The following CDH12 variants were observed in gnomAD, a reference collection of about 807,000 sequenced individuals.
CDH12 encodes cadherin 12, also known as cadherin-12.
CDH12 carries 41 observed loss-of-function variants against 74.1 expected under a neutral mutation model. The observed-to-expected ratio is 0.55, with a 90% CI of 0.43 to 0.72. CDH12 has a LOEUF of 0.72. Ranked by LOEUF, CDH12 falls within the 30% of genes least tolerant of loss-of-function variation. The pLI, the probability that CDH12 is intolerant of heterozygous loss-of-function variation, is 0.00. For synonymous variants in CDH12, 399 were observed against 355.0 expected (o/e 1.12, Z -1.39); for missense variants, 945 against 977.2 (o/e 0.97, Z 0.44).
At chr5:21,882,111 T>C (rs1201444634) in intron 6 of CDH12, among the ~76,000 whole-genome samples, 3 of 152,166 alleles carry the variant, frequency 2.0e-5, no homozygotes, top group African/African-American at 7.2e-5. Flanking sequence ...AATGTTCAGG[T>C]TTCAGTAATA....
chr5:21,799,055 C>A (rs540465183), intron 10 of CDH12, among the ~76,000 whole-genome samples: 4 of 152,232 alleles, frequency 2.6e-5, no homozygotes, highest in African/African-American at 9.6e-5. Context: ...TCTGTCCTCC[C>A]AAATAACAAC....
chr5:22,401,605 A>G (rs907304303), intron 3 of CDH12, among the ~76,000 whole-genome samples: 8 of 152,174 alleles, frequency 5.3e-5, no homozygotes, highest in African/African-American at 1.9e-4. Context: ...ATAATAGTTC[A>G]TTTAATTTCC....
chr5:22,336,069 C>G (rs573627785), intron 3 of CDH12, among the ~76,000 whole-genome samples: 1 of 152,230 alleles, frequency 6.6e-6, no homozygotes, highest in South Asian at 2.1e-4. Context: ...GGAACTGGAG[C>G]AAAGGTGACT....
chr5:22,725,638 C>T (rs1744128772), intron 1 of CDH12, among the ~76,000 whole-genome samples: 1 of 151,372 alleles, frequency 6.6e-6, no homozygotes, highest in Non-Finnish European at 1.5e-5. Flanking sequence ...TTTTGAGGGC[C>T]CCATCCTCAT....
At chr5:22,688,835 T>C (rs1741941006) in intron 1 of CDH12, among the ~76,000 whole-genome samples, 2 of 152,202 alleles carry the variant, frequency 1.3e-5, no homozygotes, top group Non-Finnish European at 2.9e-5. Context: ...GCTTTTGACA[T>C]AGAGGTTAGA....
rs190210321 is a variant in CDH12, at chr5:22,183,738, A to C, written c.-187+28760T>G. Among the ~76,000 whole-genome samples, 390 of 152,310 alleles carry C rather than the reference A, an allele frequency of 2.6e-3. 1 individual carries two copies. Among genetic ancestry groups the C allele is most frequent in the African/African-American group, 8.8e-3 (364 of 41,576 alleles). ...ACAATCTCACTCATACCCACAGGAC[A>C]CAAGAAATCTTACGAGCTAAACAGA... On this transcript the variant is annotated intron_variant, in intron 4 of 14. Transcript: ENST00000382254.
intron 5 of CDH12, among the ~76,000 whole-genome samples, chr5:21,983,445 T>G (rs1404823035): frequency 6.6e-6 from 1 of 152,152 alleles, no homozygotes; most frequent in Non-Finnish European, 1.5e-5. Context: ...AGTCTTATTT[T>G]TATGAATGTA....
intron 1 of CDH12, among the ~76,000 whole-genome samples, chr5:22,678,743 T>A (rs1256158582): frequency 6.6e-6 from 1 of 152,154 alleles, no homozygotes; most frequent in African/African-American, 2.4e-5. Flanking sequence ...ACAAAAATTC[T>A]AATAATGTAC....
chr5:22,261,575 T>C (rs72742061), intron 3 of CDH12, among the ~76,000 whole-genome samples: 1 of 151,992 alleles, frequency 6.6e-6, no homozygotes, highest in Non-Finnish European at 1.5e-5. Flanking sequence ...AAGGTCACAG[T>C]CTGAAGTAAA....
At chr5:21,833,072 ATATATATTATATTATAAATATATAT>A (rs1561224663) in intron 8 of CDH12, among the ~76,000 whole-genome samples, 1 of 70,530 alleles carries the variant, frequency 1.4e-5, no homozygotes, top group South Asian at 4.0e-4. Context: ...ATAACATATA[ATATATATTATATTATAAATATATAT>A]TATATATTAT....
At chr5:22,754,363 CAG>C (rs1220885767) in intron 1 of CDH12, among the ~76,000 whole-genome samples, 1 of 152,086 alleles carries the variant, frequency 6.6e-6, no homozygotes, top group Non-Finnish European at 1.5e-5. Context: ...TTTGGCTTCA[CAG>C]AGATAACAGG....
At chr5:22,747,903 T>A (rs1243387977) in intron 1 of CDH12, among the ~76,000 whole-genome samples, 4 of 152,204 alleles carry the variant, frequency 2.6e-5, no homozygotes, top group Admixed American at 6.5e-5. Flanking sequence ...TTCAAATTCT[T>A]ATATTCTGGT....
intron 1 of CDH12, among the ~76,000 whole-genome samples, chr5:22,823,469 A>G (rs1263082317): frequency 6.6e-6 from 1 of 152,078 alleles, no homozygotes; most frequent in African/African-American, 2.4e-5. Flanking sequence ...TTGCTCCTCC[A>G]TCATGATTGT....
chr5:22,146,554 C>T (rs1034592599), intron 4 of CDH12, among the ~76,000 whole-genome samples: 2 of 151,962 alleles, frequency 1.3e-5, no homozygotes, highest in African/African-American at 2.4e-5. Flanking sequence ...TACGTTATTC[C>T]ATTTTCTCAT....
At chr5:21,804,207 C>T (rs954560732) in intron 9 of CDH12, among the ~76,000 whole-genome samples, 15 of 151,928 alleles carry the variant, frequency 9.9e-5, no homozygotes, top group African/African-American at 3.4e-4. Context: ...TTTGATTTCT[C>T]TTAATACCTA....
chr5:22,432,436 A>T (rs192686190), intron 2 of CDH12, among the ~76,000 whole-genome samples: 5 of 152,154 alleles, frequency 3.3e-5, no homozygotes, highest in Admixed American at 2.6e-4. Flanking sequence ...TTTATTATTT[A>T]TGTTGGTATT....
At position 21,885,721 on chromosome 5, in the gene CDH12, T is replaced by C. The variant is rs370058541; in HGVS notation, c.527-30931A>G. 2.0e-5 allele frequency among the ~76,000 whole-genome samples: 3 copies of C among 152,208 alleles called. No homozygotes were observed. In the East Asian group the frequency reaches 5.8e-4, roughly 29 times the overall value. On this transcript the variant is annotated intron_variant, in intron 6 of 14. Coordinates refer to ENST00000382254, the MANE Select transcript of CDH12 (RefSeq NM_004061.5). ...TGCATATTTTGTTTTTATAGAGCTTTAATTATGTTTCTTGTTTGCACCCTA... is the reference window on the plus strand; with the variant it reads ...TGCATATTTTGTTTTTATAGAGCTTCAATTATGTTTCTTGTTTGCACCCTA...
At chr5:21,797,676 G>A (rs1746866149) in intron 10 of CDH12, among the ~76,000 whole-genome samples, 1 of 152,024 alleles carries the variant, frequency 6.6e-6, no homozygotes, top group African/African-American at 2.4e-5. Context: ...GACATAAAAT[G>A]TACAAAATAA....
rs372898177 is a variant in CDH12, at chr5:22,006,072, A to T, written c.232-30687T>A. Among the ~76,000 whole-genome samples, 7 of 152,052 alleles carry T rather than the reference A, an allele frequency of 4.6e-5. No homozygotes were observed. The East Asian group carries it at 1.4e-3, about 29-fold the overall frequency. ...GCTTCTGAGGCATCCCACTGACCTG[A>T]TTTTCTGTCTCCTCATCTGGCCCTC... On this transcript the variant is annotated intron_variant, in intron 5 of 14. Coordinates refer to ENST00000382254, the MANE Select transcript of CDH12 (RefSeq NM_004061.5).
Sources: allele counts gnomAD v4.1 joint callset (sites outside exome capture counted in the v4.1 genomes callset), GRCh38; gene constraint gnomAD v4.1.1; transcripts MANE v1.5; gene names NCBI Gene and HGNC (gene_info 2026-07-23, HGNC 2026-07-21).